The following MRPL11 variants were observed in gnomAD, a reference collection of about 807,000 sequenced individuals.
The protein encoded by MRPL11 is large ribosomal subunit protein uL11m.
Under a neutral mutation model 19.1 loss-of-function variants are expected in MRPL11, and 21 were observed. That is an observed-to-expected ratio of 1.10 (90% confidence interval 0.78 to 1.58). The LOEUF is 1.58. Among genes scored for constraint, MRPL11 ranks in the 40% most tolerant of loss-of-function variants. MRPL11 has a pLI of 0.00. For missense variants in MRPL11, 242 were observed against 243.9 expected, an observed-to-expected ratio of 0.99 and a Z score of 0.05; for synonymous variants, 108 against 99.7, an observed-to-expected ratio of 1.08 and a Z score of -0.49.
At chr11:66,436,156 C>A in intron 4 of MRPL11, 44 bp from the exon 5 acceptor site, 1 of 1,545,052 alleles carries the variant, frequency 6.5e-7, no homozygotes, top group South Asian at 1.1e-5. Flanking sequence ...GATTGGTCAC[C>A]AGTGGGAGCT....
In MRPL11 at chr11:66,435,752, C is replaced by T. The variant is rs1400753626; in HGVS notation, c.*255G>A. 1.3e-5 allele frequency: 5 copies of T among 391,454 alleles called. No homozygotes were observed. Among genetic ancestry groups the T allele is most frequent in the Non-Finnish European group, 2.3e-5 (5 of 213,212 alleles). The allele number at this position is 391,454 out of a possible 1,614,324, so 24.2% of individuals were successfully genotyped here. On this transcript the variant is annotated 3_prime_UTR_variant, in exon 5 of 5. Transcript: ENST00000310999. Reference sequence around the variant, plus strand: ...GCACATCTGAGAAGCAGTATGAAGACCCCAATTTCCTAATGTCTGCCCATA... The same window carrying T: ...GCACATCTGAGAAGCAGTATGAAGATCCCAATTTCCTAATGTCTGCCCATA...
intron 1 of MRPL11, 72 bp from the exon 2 acceptor site, chr11:66,438,331 G>T: frequency 8.1e-7 from 1 of 1,236,246 alleles, no homozygotes; most frequent in Non-Finnish European, 1.2e-6. Flanking sequence ...GGCGCCGTCC[G>T]TTCCCTCCTT....
intron 1 of MRPL11, 91 bp downstream of exon 1, chr11:66,438,541 C>G: frequency 6.8e-7 from 1 of 1,461,272 alleles, no homozygotes; most frequent in Non-Finnish European, 9.1e-7. Flanking sequence ...GAACCGAGGC[C>G]CGGGTGGTTC....
chr11:66,436,918 T>A (rs769626736), intron 4 of MRPL11, 186 bp downstream of exon 4: 1 of 1,610,996 alleles, frequency 6.2e-7, no homozygotes, highest in South Asian at 1.1e-5. Flanking sequence ...GTCTAATACA[T>A]AACAGGTGCC....
chr11:66,436,559 A>G (rs1203417760), intron 4 of MRPL11, among the ~76,000 whole-genome samples: 1 of 152,112 alleles, frequency 6.6e-6, no homozygotes, highest in African/African-American at 2.4e-5. Flanking sequence ...TCTTCTTGGG[A>G]AATAATCAAT....
At position 66,437,434 on chromosome 11, in the gene MRPL11, TC is replaced by T; in HGVS notation, c.228del (p.Thr77HisfsTer15). The T allele has an allele frequency of 1.9e-6, 3 of 1,614,178 alleles. No individual in the cohort carries two copies. Among genetic ancestry groups the T allele is most frequent in the Non-Finnish European group, 2.5e-6 (3 of 1,180,008 alleles). On this transcript the variant is annotated frameshift_variant, in exon 3 of 5. Coordinates refer to ENST00000310999, the MANE Select transcript of MRPL11 (RefSeq NM_016050.5). LOFTEE classifies it high-confidence loss of function. Reference sequence around the variant, plus strand: ...GGCTGTCCAATCTTAATTTCAAATGTCCTGTCAGGCTTAACAGAAAAAAGAA... The same window carrying T: ...GGCTGTCCAATCTTAATTTCAAATGTCTGTCAGGCTTAACAGAAAAAAGAA... Reference protein sequence around the residue: ...LPTKILVKPDRTFEIKIGQPT... With the variant: ...LPTKILVKPDXTFEIKIGQPT...
At position 66,438,260 on chromosome 11, in the gene MRPL11, CTG is replaced by C; in HGVS notation, c.124-3_124-2del. 6.2e-7 allele frequency: 1 copy of C among 1,612,036 alleles called. No homozygotes were observed. Among genetic ancestry groups the C allele is most frequent in the East Asian group, 2.2e-5 (1 of 44,870 alleles). ...AAAACTGGTTGATGGAAACGCCTCT[CTG>C]TGAGGGAAGCAGAGGGGGTTAGTGG... is the stretch of plus-strand genomic sequence containing the variant. On this transcript the variant is annotated splice_acceptor_variant and splice_polypyrimidine_tract_variant and intron_variant, in intron 1 of 4. Transcript: ENST00000310999. LOFTEE classifies it high-confidence loss of function.
chr11:66,438,762 G>A lies in MRPL11; in HGVS notation c.-8C>T, dbSNP rs1348712046. The A allele has an allele frequency of 5.2e-6, 8 of 1,542,712 alleles. No homozygotes were observed. Among genetic ancestry groups the A allele is most frequent in the Middle Eastern group, 3.5e-4 (2 of 5,758 alleles). ...CCGGCCGAGCTTTGACATGATGCGG[G>A]GCTGCTGGCTTCAGTTCACCTCAGG... is the stretch of plus-strand genomic sequence containing the variant. On this transcript the variant is annotated 5_prime_UTR_variant, in exon 1 of 5. Coordinates refer to ENST00000310999, the MANE Select transcript of MRPL11 (RefSeq NM_016050.5).
At chr11:66,438,137 A>C in intron 2 of MRPL11, 27 bp downstream of exon 2, 1 of 1,531,740 alleles carries the variant, frequency 6.5e-7, no homozygotes, top group African/African-American at 1.4e-5. Flanking sequence ...GGGAGAAGGA[A>C]ACCAGGGATC....
In MRPL11 at chr11:66,435,392, G is replaced by A. The variant is rs1168883308; in HGVS notation, c.*615C>T. 1 of 152,260 alleles carries A rather than the reference G, an allele frequency of 6.6e-6. No homozygotes were observed. Among genetic ancestry groups the A allele is most frequent in the African/African-American group, 2.4e-5 (1 of 41,446 alleles). The allele number at this position is 152,260 out of a possible 1,614,324, so 9.4% of individuals were successfully genotyped here. ...AGCCAGGGTCAGGAGCTTAGTAGAA[G>A]GGCCTGAAGTAGCCCCTGGGATCTG... On this transcript the variant is annotated 3_prime_UTR_variant, in exon 5 of 5. Coordinates refer to ENST00000310999, the MANE Select transcript of MRPL11 (RefSeq NM_016050.5).
Position 66,438,279 on chromosome 11 carries a change from G to T in MRPL11, c.124-20C>A. On this transcript the variant is annotated intron_variant, in intron 1 of 4. Transcript: ENST00000310999. ...GCCTCTCTGTGAGGGAAGCAGAGGG[G>T]GTTAGTGGTGAGAGGAGGGGACGGC... is the stretch of plus-strand genomic sequence containing the variant. The T allele has an allele frequency of 6.3e-7, 1 of 1,585,634 alleles. No homozygotes were observed. Among genetic ancestry groups the T allele is most frequent in the South Asian group, 1.1e-5 (1 of 90,530 alleles).
chr11:66,438,124 A>T, intron 2 of MRPL11, 40 bp downstream of exon 2: 1 of 1,457,428 alleles, frequency 6.9e-7, no homozygotes, highest in Non-Finnish European at 9.6e-7. Context: ...GAGGAAGAAC[A>T]GAGGGAGAAG....
At chr11:66,436,948 C>A in intron 4 of MRPL11, 156 bp downstream of exon 4, 1 of 1,594,720 alleles carries the variant, frequency 6.3e-7, no homozygotes, top group South Asian at 1.1e-5. Context: ...TATTCCAGAT[C>A]AATGAATGTG....
At chr11:66,438,577 C>G in intron 1 of MRPL11, 55 bp downstream of exon 1, 1 of 1,487,506 alleles carries the variant, frequency 6.7e-7, no homozygotes, top group Non-Finnish European at 8.9e-7. Context: ...CCATCCGCGT[C>G]CTAGCTTCCA....
rs201124762 is a variant in MRPL11, at chr11:66,436,136, G to T, written c.474-24C>A. ...GGCTGCAAGTGAAAAAAGACAAATG[G>T]TTGGCGCATGATTGGTCACCAGTGG... On this transcript the variant is annotated intron_variant, in intron 4 of 4. Coordinates refer to ENST00000310999, the MANE Select transcript of MRPL11 (RefSeq NM_016050.5). 1.8e-3 allele frequency: 2,956 copies of T among 1,600,658 alleles called. 3 individuals carry two copies. Among genetic ancestry groups the T allele is most frequent in the Non-Finnish European group, 2.4e-3 (2,836 of 1,169,370 alleles).
chr11:66,438,075 G>T (rs538569767), intron 2 of MRPL11, 89 bp downstream of exon 2: 5 of 915,004 alleles, frequency 5.5e-6, no homozygotes, highest in Admixed American at 3.6e-5. Flanking sequence ...AGTCAAGTCA[G>T]GAGCAGAGAA....
chr11:66,438,790 A>G lies in MRPL11; in HGVS notation c.-36T>C, dbSNP rs756334934. The G allele has an allele frequency of 9.6e-6, 14 of 1,459,668 alleles. No homozygotes were observed. The Admixed American group carries it at 3.5e-4, about 36-fold the overall frequency. 90.4% of individuals were successfully genotyped at this position (1,459,668 alleles called of 1,614,324 possible). On this transcript the variant is annotated 5_prime_UTR_variant, in exon 1 of 5. Transcript: ENST00000310999. ...TGCTGGCTTCAGTTCACCTCAGGGGAGCAGCAAGAGCGAAGCTCTGGGCGC... is the reference window on the plus strand; with the variant it reads ...TGCTGGCTTCAGTTCACCTCAGGGGGGCAGCAAGAGCGAAGCTCTGGGCGC...
intron 4 of MRPL11, chr11:66,436,714 C>T (rs1856977353): frequency 3.7e-6 from 3 of 819,298 alleles, no homozygotes; most frequent in Non-Finnish European, 6.2e-6. Flanking sequence ...TCATCCGAAG[C>T]CCCATGACAG....
Position 66,437,462 on chromosome 11 carries a change from T to C in MRPL11, c.220-19A>G. The C allele has an allele frequency of 6.2e-7, 1 of 1,610,576 alleles. No homozygotes were observed. Among genetic ancestry groups the C allele is most frequent in the East Asian group, 2.2e-5 (1 of 44,864 alleles). ...TGTCAGGCTTAACAGAAAAAAGAAATATGAGATTCTCTCTTCCTACTGCCC... is the reference window on the plus strand; with the variant it reads ...TGTCAGGCTTAACAGAAAAAAGAAACATGAGATTCTCTCTTCCTACTGCCC... On this transcript the variant is annotated intron_variant, in intron 2 of 4. Transcript: ENST00000310999.
Sources: allele counts gnomAD v4.1 joint callset (sites outside exome capture counted in the v4.1 genomes callset), GRCh38; gene constraint gnomAD v4.1.1; transcripts MANE v1.5; gene names NCBI Gene and HGNC (gene_info 2026-07-23, HGNC 2026-07-21).